Variants in TMEM232 observed in about 807,000 individuals in gnomAD.
TMEM232 encodes transmembrane protein 232.
Under a neutral mutation model 78.8 loss-of-function variants are expected in TMEM232, and 80 were observed. The observed-to-expected ratio is 1.01, with a 90% CI of 0.85 to 1.22. TMEM232 has a LOEUF of 1.22. Among genes scored for constraint, TMEM232 ranks in the 50% most tolerant of loss-of-function variants. The pLI is 0.00. For missense variants in TMEM232, 881 were observed against 742.2 expected, an observed-to-expected ratio of 1.19 and a Z score of -2.17; for synonymous variants, 297 against 254.3, an observed-to-expected ratio of 1.17 and a Z score of -1.60.
intron 2 of TMEM232, among the ~76,000 whole-genome samples, chr5:110,656,395 T>A (rs934592539): frequency 1.3e-5 from 2 of 152,212 alleles, no homozygotes; most frequent in African/African-American, 2.4e-5. Context: ...CAGCCTTATA[T>A]CCTTATGTTA....
At chr5:110,595,667 A>C (rs547948836) in intron 10 of TMEM232, among the ~76,000 whole-genome samples, 4 of 152,214 alleles carry the variant, frequency 2.6e-5, no homozygotes, top group Non-Finnish European at 5.9e-5. Flanking sequence ...AGTGGAAGAA[A>C]AGATATCAGA....
intron 2 of TMEM232, among the ~76,000 whole-genome samples, chr5:110,405,463 G>C (rs747641163): frequency 6.6e-6 from 1 of 151,574 alleles, no homozygotes; most frequent in African/African-American, 2.4e-5. Flanking sequence ...AGAAATTTCC[G>C]GGTATTAGAT....
rs372134558 is a variant in TMEM232 at position 110,533,016 on chromosome 5, T to C, written c.1456-4181A>G. Among the ~76,000 whole-genome samples, 3 of 152,282 alleles carry C rather than the reference T, an allele frequency of 2.0e-5. No individual in the cohort carries two copies. The East Asian group carries it at 5.8e-4, about 29-fold the overall frequency. ...ACCAAACTGTTTTGCCTATCCACCC[T>C]GTGGTGCCCAACCCGTACACTCTAT... On this transcript the variant is annotated intron_variant, in intron 11 of 13. Transcript: ENST00000455884.
intron 1 of TMEM232, among the ~76,000 whole-genome samples, chr5:110,714,929 T>C (rs1039196652): frequency 9.2e-5 from 14 of 152,038 alleles, no homozygotes; most frequent in East Asian, 1.9e-4. Context: ...GGAGAATTAC[T>C]CAAGAAAAAA....
chr5:110,593,976 A>G (rs933437711), intron 10 of TMEM232, among the ~76,000 whole-genome samples: 4 of 142,028 alleles, frequency 2.8e-5, no homozygotes, highest in African/African-American at 1.1e-4. Context: ...TTGACATTTT[A>G]AAATTTTTTA....
At chr5:110,630,623 C>T (rs1240621812) in intron 5 of TMEM232, among the ~76,000 whole-genome samples, 1 of 152,160 alleles carries the variant, frequency 6.6e-6, no homozygotes, top group Non-Finnish European at 1.5e-5. Flanking sequence ...TCACTTTCCA[C>T]CATGATTATA....
chr5:110,570,448 A>T (rs72771424), intron 10 of TMEM232, among the ~76,000 whole-genome samples: 11,118 of 151,998 alleles, frequency 0.073, 492 homozygotes, highest in Admixed American at 0.12. Flanking sequence ...ATAATTTGTA[A>T]GAGAAATTAG....
At chr5:110,593,480 A>AT (rs1415596291) in intron 10 of TMEM232, among the ~76,000 whole-genome samples, 5 of 152,202 alleles carry the variant, frequency 3.3e-5, no homozygotes, top group Non-Finnish European at 7.4e-5. Flanking sequence ...ATCTGTTGAG[A>AT]GACACTTGTA....
At chr5:110,431,744 G>GA (rs1031273707) in intron 12 of TMEM232, among the ~76,000 whole-genome samples, 4 of 151,750 alleles carry the variant, frequency 2.6e-5, no homozygotes, top group African/African-American at 9.7e-5. Flanking sequence ...GTGAAATTAA[G>GA]AAGTTGGTAG....
intron 10 of TMEM232, among the ~76,000 whole-genome samples, chr5:110,604,486 T>C (rs975443032): frequency 6.6e-6 from 1 of 151,968 alleles, no homozygotes; most frequent in Non-Finnish European, 1.5e-5. Context: ...AGTAAATGCC[T>C]AGAGAAAATG....
chr5:110,432,614 A>C (rs1181830231), intron 12 of TMEM232, among the ~76,000 whole-genome samples: 1 of 151,780 alleles, frequency 6.6e-6, no homozygotes, highest in East Asian at 1.9e-4. Context: ...TGAAAGGAAC[A>C]AAGCCTAATA....
intron 2 of TMEM232, among the ~76,000 whole-genome samples, chr5:110,413,791 A>C (rs140931501): frequency 3.9e-4 from 59 of 152,318 alleles, no homozygotes; most frequent in Middle Eastern, 6.8e-3. Flanking sequence ...AGGGAGCCAA[A>C]GGTAAGAGGG....
At chr5:110,451,489 T>G (rs1300893074) in intron 12 of TMEM232, among the ~76,000 whole-genome samples, 3 of 152,196 alleles carry the variant, frequency 2.0e-5, no homozygotes, top group Non-Finnish European at 2.9e-5. Context: ...ATCATTGTCC[T>G]GTGAGTCTTC....
chr5:110,549,788 G>A (rs895861194), intron 11 of TMEM232, among the ~76,000 whole-genome samples: 8 of 151,916 alleles, frequency 5.3e-5, no homozygotes, highest in Non-Finnish European at 8.8e-5. Context: ...ACATCTTTCC[G>A]AATTTAATTC....
chr5:110,505,105 G>T (rs986900602), intron 12 of TMEM232, among the ~76,000 whole-genome samples: 1 of 152,152 alleles, frequency 6.6e-6, no homozygotes, highest in Non-Finnish European at 1.5e-5. Flanking sequence ...AACTGGAAGA[G>T]AAGACATCTT....
chr5:110,577,175 A>T (rs1455018616), intron 10 of TMEM232, among the ~76,000 whole-genome samples: 2 of 152,110 alleles, frequency 1.3e-5, no homozygotes, highest in Non-Finnish European at 2.9e-5. Flanking sequence ...AATTAAACAA[A>T]TTTACAAGAA....
At chr5:110,638,692 A>T (rs1786243167) in intron 4 of TMEM232, among the ~76,000 whole-genome samples, 1 of 152,128 alleles carries the variant, frequency 6.6e-6, no homozygotes, top group African/African-American at 2.4e-5. Flanking sequence ...GCTGCCATGT[A>T]GGAAGTTCAA....
chr5:110,417,558 T>C (rs1287604560), downstream of TMEM232: 1 of 151,668 alleles, frequency 6.6e-6, no homozygotes, highest in African/African-American at 2.4e-5. Context: ...GTAAAGTTTA[T>C]TTTTAAGCCA....
chr5:110,697,602 G>GA (rs1346458093), intron 1 of TMEM232, among the ~76,000 whole-genome samples: 1 of 151,874 alleles, frequency 6.6e-6, no homozygotes, highest in African/African-American at 2.4e-5. Flanking sequence ...AAATTTACAA[G>GA]AAAAAAACAA....
Sources: allele counts gnomAD v4.1 joint callset (sites outside exome capture counted in the v4.1 genomes callset), GRCh38; gene constraint gnomAD v4.1.1; transcripts MANE v1.5; gene names NCBI Gene and HGNC (gene_info 2026-07-23, HGNC 2026-07-21).